Variants in CCR4 observed in about 807,000 individuals in gnomAD.
The protein encoded by CCR4 is C-C motif chemokine receptor 4.
Under a neutral mutation model 17.1 loss-of-function variants are expected in CCR4, and 9 were observed. The ratio of observed to expected loss-of-function variants is 0.53; its 90% CI spans 0.32 to 0.92. The LOEUF (loss-of-function observed/expected upper bound fraction) is 0.92. CCR4 is among the 40% of genes least tolerant of loss of function. The pLI, the probability that CCR4 is intolerant of heterozygous loss-of-function variation, is 0.04. For missense variants in CCR4, 385 were observed against 433.9 expected (o/e 0.89, Z 1.00); for synonymous variants, 217 against 174.3 (o/e 1.24, Z -1.93).
chr3:32,955,092 A>AT lies in CCR4; in HGVS notation c.*588dup, dbSNP rs1203262313. 6 of 167,254 alleles carry AT rather than the reference A, an allele frequency of 3.6e-5. No individual in the cohort carries two copies. The highest frequency in any genetic ancestry group is 1.4e-4 in the African/African-American group (6 of 41,594). The allele number at this position is 167,254 out of a possible 1,614,324, so 10.4% of individuals were successfully genotyped here. On this transcript the variant is annotated 3_prime_UTR_variant, in exon 2 of 2. Transcript: ENST00000330953. ...AATTGAAACCAAACTTTTTATACTGATATAAGGGTAAGGATATGAAGACAT... is the reference window on the plus strand; with the variant it reads ...AATTGAAACCAAACTTTTTATACTGATTATAAGGGTAAGGATATGAAGACAT...
chr3:32,953,059 C>T (rs1697695780), intron 1 of CCR4, among the ~76,000 whole-genome samples: 1 of 152,108 alleles, frequency 6.6e-6, no homozygotes, highest in South Asian at 2.1e-4. Flanking sequence ...CTTTTTGAAA[C>T]ACATCCTCAA....
rs753825374 is a variant in CCR4, at chr3:32,953,955, G to C, written c.533G>C (p.Cys178Ser). 3.3e-5 allele frequency: 54 copies of C among 1,613,932 alleles called. No individual in the cohort carries two copies. In the East Asian group the frequency reaches 1.1e-3, roughly 33 times the overall value. ...ASLPGFLFSTCYTERNHTYCK... is the reference protein window; with the variant it reads ...ASLPGFLFSTSYTERNHTYCK... ...CTTCCTGGCTTTCTGTTCAGCACTT[G>C]TTATACTGAGCGCAACCATACCTAC... Residue 178 changes from cysteine (C) to serine (S), a missense_variant, in exon 2 of 2, where the codon TGT becomes TCT. By Grantham distance (112) the Cys-to-Ser change is moderately radical. Coordinates refer to ENST00000330953, the MANE Select transcript of CCR4 (RefSeq NM_005508.5).
Position 32,953,872 on chromosome 3 carries a change from C to G in CCR4, c.450C>G (p.Thr150=). 6.2e-7 allele frequency: 1 copy of G among 1,614,060 alleles called. No homozygotes were observed. The highest frequency in any genetic ancestry group is 8.5e-7 in the Non-Finnish European group (1 of 1,179,996). The part of the protein sequence containing the change: ...VHAVFSLRAR[T]LTYGVITSLA... Reference sequence around the variant, plus strand: ...CGGTGTTTTCCTTGAGGGCAAGGACCTTGACTTATGGGGTCATCACCAGTT... The same window carrying G: ...CGGTGTTTTCCTTGAGGGCAAGGACGTTGACTTATGGGGTCATCACCAGTT... Residue 150 remains threonine (T), a synonymous_variant, in exon 2 of 2, where the codon ACC becomes ACG. Transcript: ENST00000330953.
Position 32,955,948 on chromosome 3 carries a change from A to G in CCR4, c.*1443A>G, listed in dbSNP as rs1011355892. ...TATTTTATTTTATTTTATTTTTGAG[A>G]TGGAGTCTCACTCTGTCACCCAAGC... On this transcript the variant is annotated 3_prime_UTR_variant, in exon 2 of 2. Coordinates refer to ENST00000330953, the MANE Select transcript of CCR4 (RefSeq NM_005508.5). 1 of 150,990 alleles carries G rather than the reference A, an allele frequency of 6.6e-6. No homozygotes were observed. Among genetic ancestry groups the G allele is most frequent in the African/African-American group, 2.5e-5 (1 of 40,470 alleles). The allele number at this position is 150,990 out of a possible 1,614,324, so 9.4% of individuals were successfully genotyped here.
rs746895625 is a variant in CCR4, at chr3:32,953,410, G to T, written c.-13G>T. ...GGCCCAGACCTGCCTTGAGGAGCCT[G>T]TAGAGTTAAAAAATGAACCCCACGG... On this transcript the variant is annotated 5_prime_UTR_variant, in exon 2 of 2. Transcript: ENST00000330953. The T allele has an allele frequency of 4.4e-6, 7 of 1,586,420 alleles. No individual in the cohort carries two copies. The Admixed American group carries it at 8.5e-5, about 19-fold the overall frequency.
At position 32,955,103 on chromosome 3, in the gene CCR4, A is replaced by T. The variant is rs1695696967; in HGVS notation, c.*598A>T. ...AACTTTTTATACTGATATAAGGGTA[A>T]GGATATGAAGACATTAGCCAAGGTC... On this transcript the variant is annotated 3_prime_UTR_variant, in exon 2 of 2. Transcript: ENST00000330953. 1 of 167,132 alleles carries T rather than the reference A, an allele frequency of 6.0e-6. No individual in the cohort carries two copies. The highest frequency in any genetic ancestry group is 1.5e-5 in the Non-Finnish European group (1 of 68,126). The allele number at this position is 167,132 out of a possible 1,614,324, so 10.4% of individuals were successfully genotyped here. A position where few individuals can be genotyped will look rare whatever the true frequency, so the allele number is the denominator to read the frequency against.
Position 32,953,934 on chromosome 3 carries a change from C to T in CCR4, c.512C>T (p.Pro171Leu). The T allele has an allele frequency of 6.2e-7, 1 of 1,614,134 alleles. No homozygotes were observed. Among genetic ancestry groups the T allele is most frequent in the Non-Finnish European group, 8.5e-7 (1 of 1,180,042 alleles). Residue 171 changes from proline to leucine, a missense_variant, in exon 2 of 2, where the codon CCT (proline) becomes CTT (leucine). Pro to Leu is a moderately conservative substitution (Grantham distance 98). Coordinates refer to ENST00000330953, the MANE Select transcript of CCR4 (RefSeq NM_005508.5). Reference protein sequence around the residue: ...TWSVAVFASLPGFLFSTCYTE... With the variant: ...TWSVAVFASLLGFLFSTCYTE... The stretch of plus-strand genomic sequence containing the variant: ...TCAGTGGCTGTGTTCGCCTCCCTTC[C>T]TGGCTTTCTGTTCAGCACTTGTTAT...
Position 32,953,361 on chromosome 3 carries a change from C to G in CCR4, c.-51-11C>G. ...TCTCACAGAAATCTCCTTTGCTCTT[C>G]CCCTCATTAGCTGCTTCTGGTTGGG... On this transcript the variant is annotated splice_polypyrimidine_tract_variant and intron_variant, in intron 1 of 1. Coordinates refer to ENST00000330953, the MANE Select transcript of CCR4 (RefSeq NM_005508.5). 2 of 1,516,580 alleles carry G rather than the reference C, an allele frequency of 1.3e-6. No homozygotes were observed. Among genetic ancestry groups the G allele is most frequent in the South Asian group, 1.3e-5 (1 of 75,982 alleles). 93.9% of individuals were successfully genotyped at this position (1,516,580 alleles called of 1,614,324 possible).
chr3:32,955,259 T>A lies in CCR4; in HGVS notation c.*754T>A, dbSNP rs1384884428. The A allele has an allele frequency of 6.0e-6, 1 of 166,874 alleles. No individual in the cohort carries two copies. The highest frequency in any genetic ancestry group is 6.5e-5 in the Admixed American group (1 of 15,270). The allele number at this position is 166,874 out of a possible 1,614,324, so 10.3% of individuals were successfully genotyped here. ...CAGAGGAATATTAAAAAATTTTAAA[T>A]AGGCTGGGCACGGTGGCCTGTAATC... On this transcript the variant is annotated 3_prime_UTR_variant, in exon 2 of 2. Transcript: ENST00000330953.
chr3:32,954,075 T>A lies in CCR4; in HGVS notation c.653T>A (p.Met218Lys). 6.2e-7 allele frequency: 1 copy of A among 1,613,976 alleles called. No homozygotes were observed. The highest frequency in any genetic ancestry group is 8.5e-7 in the Non-Finnish European group (1 of 1,179,822). Residue 218 changes from methionine to lysine, a missense_variant, in exon 2 of 2, where the codon ATG becomes AAG. Transcript: ENST00000330953. ...GGATTGGTGATCCCCTTAGGGATCA[T>A]GCTGTTTTGCTACTCCATGATCATC... ...ILGLVIPLGI[M>K]LFCYSMIIRT... is the part of the protein sequence containing the mutation.
rs1043749335 is a variant in CCR4 at position 32,951,673 on chromosome 3, C to T, written c.-69C>T. The T allele has an allele frequency of 1.3e-5, 2 of 152,668 alleles. No homozygotes were observed. Among genetic ancestry groups the T allele is most frequent in the South Asian group, 2.1e-4 (1 of 4,828 alleles). The allele number at this position is 152,668 out of a possible 1,614,324, so 9.5% of individuals were successfully genotyped here. On this transcript the variant is annotated 5_prime_UTR_variant, in exon 1 of 2. Coordinates refer to ENST00000330953, the MANE Select transcript of CCR4 (RefSeq NM_005508.5). Reference sequence around the variant, plus strand: ...TTGCCTCACAGACCTTCCTCAGAGCCGCTTTCAGAAAAGCAAGGTAAGCAG... The same window carrying T: ...TTGCCTCACAGACCTTCCTCAGAGCTGCTTTCAGAAAAGCAAGGTAAGCAG...
Position 32,955,081 on chromosome 3 carries a change from T to A in CCR4, c.*576T>A, listed in dbSNP as rs1695694912. The A allele has an allele frequency of 6.0e-6, 1 of 167,138 alleles. No individual in the cohort carries two copies. Among genetic ancestry groups the A allele is most frequent in the African/African-American group, 2.4e-5 (1 of 41,460 alleles). The allele number at this position is 167,138 out of a possible 1,614,324, so 10.4% of individuals were successfully genotyped here. A position where few individuals can be genotyped will look rare whatever the true frequency, so the allele number is the denominator to read the frequency against. ...GATTATCTGTTAATTGAAACCAAAC[T>A]TTTTATACTGATATAAGGGTAAGGA... On this transcript the variant is annotated 3_prime_UTR_variant, in exon 2 of 2. Transcript: ENST00000330953.
At chr3:32,952,926 G>T (rs563219003) in intron 1 of CCR4, among the ~76,000 whole-genome samples, 4 of 152,246 alleles carry the variant, frequency 2.6e-5, no homozygotes, top group African/African-American at 7.2e-5. Context: ...TCTGTGCGTA[G>T]AATTGATTTT....
intron 1 of CCR4, among the ~76,000 whole-genome samples, chr3:32,952,939 CG>C (rs1697693147): frequency 6.6e-6 from 1 of 152,108 alleles, no homozygotes; most frequent in African/African-American, 2.4e-5. Flanking sequence ...TTGATTTTTA[CG>C]TGCAGTTTGA....
Position 32,953,881 on chromosome 3 carries a change from T to G in CCR4, c.459T>G (p.Tyr153Ter), listed in dbSNP as rs778469638. The change falls in exon 2 of 2, where the codon TAT becomes TAG. Residue 153 changes from tyrosine to a stop codon, truncating the protein, a stop_gained. Coordinates refer to ENST00000330953, the MANE Select transcript of CCR4 (RefSeq NM_005508.5). LOFTEE classifies it high-confidence loss of function. ...CCTTGAGGGCAAGGACCTTGACTTA[T>G]GGGGTCATCACCAGTTTGGCTACAT... Reference protein sequence around the residue: ...VFSLRARTLTYGVITSLATWS... With the variant: ...VFSLRARTLT 1 of 1,614,136 alleles carries G rather than the reference T, an allele frequency of 6.2e-7. No individual in the cohort carries two copies. The highest frequency in any genetic ancestry group is 8.5e-7 in the Non-Finnish European group (1 of 1,180,034).
intron 1 of CCR4, among the ~76,000 whole-genome samples, chr3:32,952,617 T>G (rs1575380199): frequency 6.6e-6 from 1 of 151,906 alleles, no homozygotes; most frequent in Admixed American, 6.6e-5. Context: ...GTGGTGGGGG[T>G]GTGGGGAGAG....
In CCR4 at chr3:32,954,127, G is replaced by C; in HGVS notation, c.705G>C (p.Glu235Asp). 1 of 1,614,136 alleles carries C rather than the reference G, an allele frequency of 6.2e-7. No homozygotes were observed. The highest frequency in any genetic ancestry group is 8.5e-7 in the Non-Finnish European group (1 of 1,180,002). The change falls in exon 2 of 2, where the codon GAG becomes GAC. Residue 235 changes from glutamate (E) to aspartate (D), a missense_variant. Coordinates refer to ENST00000330953, the MANE Select transcript of CCR4 (RefSeq NM_005508.5). ...GGACCTTGCAGCATTGTAAAAATGA[G>C]AAGAAGAACAAGGCGGTGAAGATGA... is the stretch of plus-strand genomic sequence containing the variant. ...IIRTLQHCKN[E>D]KKNKAVKMIF... is the part of the protein sequence containing the mutation.
chr3:32,953,921 T>C lies in CCR4; in HGVS notation c.499T>C (p.Phe167Leu). 6.2e-7 allele frequency: 1 copy of C among 1,614,160 alleles called. No homozygotes were observed. Among genetic ancestry groups the C allele is most frequent in the Non-Finnish European group, 8.5e-7 (1 of 1,180,036 alleles). The change falls in exon 2 of 2, where the codon TTC (phenylalanine) becomes CTC (leucine). Residue 167 changes from phenylalanine to leucine, a missense_variant. Phe to Leu is a conservative substitution (Grantham distance 22). Transcript: ENST00000330953. Reference protein sequence around the residue: ...TSLATWSVAVFASLPGFLFST... With the variant: ...TSLATWSVAVLASLPGFLFST... ...TTTGGCTACATGGTCAGTGGCTGTG[T>C]TCGCCTCCCTTCCTGGCTTTCTGTT...
Position 32,955,467 on chromosome 3 carries a change from G to A in CCR4, c.*962G>A, listed in dbSNP as rs527882408. ...CTGGAGAATAACTTGAATCCGGGAG[G>A]TGGAGGTTGCGGTGAGCCGAGATCG... is the stretch of plus-strand genomic sequence containing the variant. On this transcript the variant is annotated 3_prime_UTR_variant, in exon 2 of 2. Coordinates refer to ENST00000330953, the MANE Select transcript of CCR4 (RefSeq NM_005508.5). The A allele has an allele frequency of 1.8e-4, 29 of 165,018 alleles. No individual in the cohort carries two copies. Among genetic ancestry groups the A allele is most frequent in the African/African-American group, 7.1e-4 (29 of 41,102 alleles). The allele number at this position is 165,018 out of a possible 1,614,324, so 10.2% of individuals were successfully genotyped here. A position where few individuals can be genotyped will look rare whatever the true frequency, so the allele number is the denominator to read the frequency against.
Sources: allele counts gnomAD v4.1 joint callset (sites outside exome capture counted in the v4.1 genomes callset), GRCh38; gene constraint gnomAD v4.1.1; transcripts MANE v1.5; gene names NCBI Gene and HGNC (gene_info 2026-07-23, HGNC 2026-07-21).